RGL1: variants seen among roughly 807,000 people sequenced by gnomAD.
RGL1 encodes ral guanine nucleotide dissociation stimulator-like 1.
Under a neutral mutation model 95.2 loss-of-function variants are expected in RGL1, and 24 were observed. That is an observed-to-expected ratio of 0.25 (90% CI 0.18 to 0.35). RGL1 has a LOEUF of 0.35. Among genes scored for constraint, RGL1 ranks in the 10% least tolerant of loss-of-function variants. RGL1 has a pLI of 1.00. For missense variants in RGL1, 715 were observed against 936.3 expected (o/e 0.76, Z 3.08); for synonymous variants, 329 against 344.9 (o/e 0.95, Z 0.51).
intron 1 of RGL1, among the ~76,000 whole-genome samples, chr1:183,642,650 C>T (rs1459408518): frequency 6.6e-6 from 1 of 152,102 alleles, no homozygotes; most frequent in African/African-American, 2.4e-5. Flanking sequence ...TTTCTGTGAA[C>T]TTTCCTTACC....
intron 2 of RGL1, among the ~76,000 whole-genome samples, chr1:183,752,707 T>TCTCTCTCC (rs1337166963): frequency 2.4e-4 from 35 of 143,526 alleles, no homozygotes; most frequent in Non-Finnish European, 4.5e-4. Flanking sequence ...TCTCTCTCTT[T>TCTCTCTCC]CCCCTTTCCT....
At chr1:183,654,182 G>A (rs181753014) in intron 1 of RGL1, among the ~76,000 whole-genome samples, 2 of 152,286 alleles carry the variant, frequency 1.3e-5, no homozygotes, top group Non-Finnish European at 2.9e-5. Context: ...CATCCAGAGT[G>A]CTCCTACTAG....
rs1013613943 is a variant in RGL1 at position 183,713,384 on chromosome 1, C to CG, written c.-32-28742_-32-28741insG. Reference sequence around the variant, plus strand: ...AAAAAAAATCTAGAGGCACCCCCCCCCCCCGCTTTTATAATGACCCTTTTG... The same window carrying CG: ...AAAAAAAATCTAGAGGCACCCCCCCCGCCCCGCTTTTATAATGACCCTTTTG... On this transcript the variant is annotated intron_variant, in intron 1 of 18. Transcript: ENST00000304685. Among the ~76,000 whole-genome samples, 27 of 137,038 alleles carry CG rather than the reference C, an allele frequency of 2.0e-4. 3 individuals are homozygous for CG. The highest frequency in any genetic ancestry group is 1.5e-3 in the Admixed American group (21 of 13,728). 89.9% of individuals were successfully genotyped at this position (137,038 alleles called of 152,430 possible). A position where few individuals can be genotyped will look rare whatever the true frequency, so the allele number is the denominator to read the frequency against.
intron 1 of RGL1, among the ~76,000 whole-genome samples, chr1:183,721,011 T>A (rs763118990): frequency 6.6e-6 from 1 of 152,114 alleles, no homozygotes; most frequent in Non-Finnish European, 1.5e-5. Context: ...CCCTGAGATA[T>A]CCTGGTGGAA....
intron 2 of RGL1, among the ~76,000 whole-genome samples, chr1:183,808,569 G>T (rs1225101684): frequency 1.3e-5 from 2 of 152,144 alleles, no homozygotes; most frequent in Non-Finnish European, 2.9e-5. Flanking sequence ...TTGAGCCATA[G>T]CAATTACAAA....
chr1:183,866,701 A>G (rs1277674108), intron 4 of RGL1, among the ~76,000 whole-genome samples: 2 of 152,202 alleles, frequency 1.3e-5, no homozygotes, highest in African/African-American at 4.8e-5. Context: ...TCTGAGGAAG[A>G]TAAGAAGCGC....
At chr1:183,722,270 T>A (rs1020525720) in intron 1 of RGL1, among the ~76,000 whole-genome samples, 2 of 145,060 alleles carry the variant, frequency 1.4e-5, no homozygotes, top group Non-Finnish European at 3.0e-5. Flanking sequence ...GGCATAGCAA[T>A]AGAACCTATC....
intron 1 of RGL1, among the ~76,000 whole-genome samples, chr1:183,698,490 A>G (rs1282252810): frequency 6.6e-6 from 1 of 152,262 alleles, no homozygotes; most frequent in African/African-American, 2.4e-5. Context: ...TGAACTTGAG[A>G]GAACCTTTAG....
At chr1:183,686,132 C>T (rs958518736) in intron 1 of RGL1, among the ~76,000 whole-genome samples, 5 of 152,088 alleles carry the variant, frequency 3.3e-5, no homozygotes, top group African/African-American at 1.2e-4. Flanking sequence ...TTATATATGT[C>T]ATGCCGAATC....
intron 1 of RGL1, among the ~76,000 whole-genome samples, chr1:183,726,799 C>T (rs1358821543): frequency 6.6e-6 from 1 of 152,090 alleles, no homozygotes; most frequent in African/African-American, 2.4e-5. Context: ...TTTTGGAATG[C>T]TTCCATTATA....
chr1:183,870,590 G>T (rs1334662439), intron 4 of RGL1, among the ~76,000 whole-genome samples: 3 of 152,134 alleles, frequency 2.0e-5, no homozygotes, highest in African/African-American at 7.2e-5. Flanking sequence ...GACTGGGCCT[G>T]AGAAGGGAGG....
At chr1:183,696,853 G>T (rs1042960988) in intron 1 of RGL1, among the ~76,000 whole-genome samples, 7 of 152,214 alleles carry the variant, frequency 4.6e-5, no homozygotes, top group African/African-American at 1.4e-4. Flanking sequence ...AATACATCCA[G>T]AATCTGACCA....
intron 2 of RGL1, among the ~76,000 whole-genome samples, chr1:183,793,965 C>T (rs1396900308): frequency 1.3e-5 from 2 of 151,862 alleles, no homozygotes; most frequent in Non-Finnish European, 2.9e-5. Context: ...CTACCTGGAC[C>T]TCCATGTATA....
chr1:183,906,355 C>A (rs1668319321), intron 13 of RGL1, among the ~76,000 whole-genome samples: 1 of 152,114 alleles, frequency 6.6e-6, no homozygotes, highest in Admixed American at 6.5e-5. Context: ...ATCTGCCTGG[C>A]AGATAGAGGT....
At chr1:183,707,233 A>G (rs1006432984) in intron 1 of RGL1, among the ~76,000 whole-genome samples, 2 of 152,192 alleles carry the variant, frequency 1.3e-5, no homozygotes, top group African/African-American at 2.4e-5. Context: ...GCTAGGGTCC[A>G]GATACGGTCC....
chr1:183,647,645 G>C, intron 1 of RGL1: 2 of 1,545,654 alleles, frequency 1.3e-6, no homozygotes, highest in Non-Finnish European at 1.7e-6. Context: ...TAAGTCCCTT[G>C]GTAATTGGTT....
intron 1 of RGL1, among the ~76,000 whole-genome samples, chr1:183,703,066 C>G (rs1307861843): frequency 6.6e-6 from 1 of 152,148 alleles, no homozygotes; most frequent in Non-Finnish European, 1.5e-5. Flanking sequence ...TGCTGACAAA[C>G]ACTGTTGGCA....
Position 183,692,188 on chromosome 1 carries a change from T to C in RGL1, c.-32-49938T>C, listed in dbSNP as rs540510764. ...GATTATTGTATTGCAAGCTGAGGAA[T>C]GTAGTATCTTCAGAACTTGCCACTT... On this transcript the variant is annotated intron_variant, in intron 1 of 18. Coordinates refer to the RGL1 transcript ENST00000304685. Among the ~76,000 whole-genome samples, 62 of 152,314 alleles carry C rather than the reference T, an allele frequency of 4.1e-4. 1 individual carries two copies. The South Asian group carries it at 0.011, about 26-fold the overall frequency.
intron 3 of RGL1, among the ~76,000 whole-genome samples, chr1:183,853,258 A>C (rs933149860): frequency 1.3e-5 from 2 of 152,048 alleles, no homozygotes; most frequent in Non-Finnish European, 2.9e-5. Flanking sequence ...GAGCCTGGGA[A>C]GCGGAGGTTG....
Sources: gnomAD v4.1 joint callset for allele counts (sites outside exome capture counted in the v4.1 genomes callset) on GRCh38, gnomAD v4.1.1 for gene constraint, MANE v1.5 for transcripts, NCBI Gene and HGNC (gene_info 2026-07-23, HGNC 2026-07-21) for gene names.